XKR6: variants seen among roughly 807,000 people sequenced by gnomAD.
XKR6 encodes the protein XK related 6, also known as XK-related protein 6.
XKR6 carries 22 observed loss-of-function variants against 56.7 expected under a neutral mutation model. The ratio of observed to expected loss-of-function variants is 0.39; its 90% confidence interval spans 0.28 to 0.55. XKR6 has a LOEUF of 0.55. Ranked by LOEUF, XKR6 falls within the 20% of genes least tolerant of loss-of-function variation. The pLI, the probability that XKR6 is intolerant of heterozygous loss-of-function variation, is 0.66. For synonymous variants in XKR6, 524 were observed against 387.8 expected, an observed-to-expected ratio of 1.35 and a Z score of -4.13; for missense variants, 852 against 889.0, an observed-to-expected ratio of 0.96 and a Z score of 0.53.
At chr8:10,988,931 A>G (rs1797925847) in intron 1 of XKR6, among the ~76,000 whole-genome samples, 2 of 152,204 alleles carry the variant, frequency 1.3e-5, no homozygotes, top group African/African-American at 4.8e-5. Context: ...GTCTTAGGCA[A>G]CTCACAGCAA....
At chr8:10,949,872 C>T (rs373155751) in intron 1 of XKR6, among the ~76,000 whole-genome samples, 4 of 152,150 alleles carry the variant, frequency 2.6e-5, no homozygotes, top group Non-Finnish European at 5.9e-5. Flanking sequence ...CAAGAGCCCA[C>T]TTCCACAGGC....
chr8:10,958,408 G>A (rs113676659), intron 1 of XKR6, among the ~76,000 whole-genome samples: 1 of 152,206 alleles, frequency 6.6e-6, no homozygotes, highest in Non-Finnish European at 1.5e-5. Flanking sequence ...GAAATCAATA[G>A]TGACAATGGG....
At chr8:11,085,141 C>G (rs766766208) in intron 1 of XKR6, among the ~76,000 whole-genome samples, 4 of 152,138 alleles carry the variant, frequency 2.6e-5, no homozygotes, top group Non-Finnish European at 5.9e-5. Flanking sequence ...CCAGGCACTA[C>G]CTCCCCTTCT....
At chr8:11,112,412 A>G (rs991413202) in intron 1 of XKR6, among the ~76,000 whole-genome samples, 3 of 152,074 alleles carry the variant, frequency 2.0e-5, no homozygotes, top group African/African-American at 7.2e-5. Context: ...GCCTTTTTTG[A>G]AAAAGAAAAA....
chr8:11,151,894 G>A lies in XKR6; in HGVS notation c.764+48682C>T, dbSNP rs573461078. Among the ~76,000 whole-genome samples, 45 of 152,118 alleles carry A rather than the reference G, an allele frequency of 3.0e-4. 1 individual carries two copies. Among genetic ancestry groups the A allele is most frequent in the Middle Eastern group, 3.4e-3 (1 of 294 alleles). On this transcript the variant is annotated intron_variant, in intron 1 of 2. Coordinates refer to ENST00000416569, the MANE Select transcript of XKR6 (RefSeq NM_173683.4). ...CAATTTTGGCTATGTAAAAGCAAAT[G>A]GGATCATTCTTAGTACTTGTTGGGA...
chr8:11,176,013 C>A (rs181586900), intron 1 of XKR6, among the ~76,000 whole-genome samples: 9 of 152,330 alleles, frequency 5.9e-5, no homozygotes, highest in African/African-American at 2.2e-4. Flanking sequence ...AGAATGTGAT[C>A]AGCTGCAATA....
rs34746866 is a variant in XKR6 at position 11,114,773 on chromosome 8, G to GTGTGTA, written c.764+85802_764+85803insTACACA. Among the ~76,000 whole-genome samples the GTGTGTA allele has an allele frequency of 4.2e-3, 612 of 146,612 alleles. 2 individuals are homozygous for GTGTGTA. Among genetic ancestry groups the GTGTGTA allele is most frequent in the Middle Eastern group, 0.011 (3 of 282 alleles). On this transcript the variant is annotated intron_variant, in intron 1 of 2. Coordinates refer to ENST00000416569, the MANE Select transcript of XKR6 (RefSeq NM_173683.4). ...TGTGTGTGTGTGTGTGTGTGTGTGT[G>GTGTGTA]TATGTGCCAGGGCAAGAAAGGTCAG...
chr8:11,009,925 T>C (rs1419799652), intron 1 of XKR6, among the ~76,000 whole-genome samples: 1 of 152,182 alleles, frequency 6.6e-6, no homozygotes, highest in African/African-American at 2.4e-5. Context: ...TCTATAAATC[T>C]AAAACTGTTC....
intron 1 of XKR6, chr8:11,137,440 GAC>G: frequency 2.6e-6 from 1 of 390,362 alleles, no homozygotes. Context: ...CTCAAACGTG[GAC>G]AGTCCCTTAC....
At position 11,120,718 on chromosome 8, in the gene XKR6, C is replaced by T. The variant is rs538442298; in HGVS notation, c.764+79858G>A. On this transcript the variant is annotated intron_variant, in intron 1 of 2. Coordinates refer to ENST00000416569, the MANE Select transcript of XKR6 (RefSeq NM_173683.4). ...GCTCATATGGAACCAAAAAAGAGCC[C>T]GCATCGCCAAGTCAATCCTAAGCAA... 1.3e-4 allele frequency among the ~76,000 whole-genome samples: 20 copies of T among 152,174 alleles called. No homozygotes were observed. The East Asian group carries it at 3.7e-3, about 28-fold the overall frequency.
intron 1 of XKR6, among the ~76,000 whole-genome samples, chr8:11,127,931 C>G (rs1342850073): frequency 6.6e-6 from 1 of 152,076 alleles, no homozygotes; most frequent in Non-Finnish European, 1.5e-5. Context: ...ACACTGTTAC[C>G]TAAGGAGGAC....
intron 1 of XKR6, among the ~76,000 whole-genome samples, chr8:11,110,929 C>G (rs1225844752): frequency 6.6e-6 from 1 of 151,824 alleles, no homozygotes; most frequent in Non-Finnish European, 1.5e-5. Flanking sequence ...CTCCGCCTCC[C>G]AGGTTCACAC....
chr8:10,996,563 C>A (rs867639364), intron 1 of XKR6, among the ~76,000 whole-genome samples: 4 of 152,138 alleles, frequency 2.6e-5, no homozygotes, highest in East Asian at 1.9e-4. Flanking sequence ...ACACCATACA[C>A]CCCCAGCTCC....
At chr8:10,977,227 C>A (rs1459619082) in intron 1 of XKR6, among the ~76,000 whole-genome samples, 2 of 152,008 alleles carry the variant, frequency 1.3e-5, no homozygotes, top group African/African-American at 2.4e-5. Flanking sequence ...AAGATGGAAC[C>A]CAGGAGGGGT....
intron 1 of XKR6, among the ~76,000 whole-genome samples, chr8:10,983,386 C>G (rs1049303375): frequency 4.6e-5 from 7 of 152,088 alleles, no homozygotes; most frequent in African/African-American, 1.7e-4. Flanking sequence ...GGCCTATTTG[C>G]TCCATTCTGT....
intron 1 of XKR6, among the ~76,000 whole-genome samples, chr8:10,963,115 G>C (rs544203666): frequency 6.6e-6 from 1 of 152,168 alleles, no homozygotes; most frequent in Non-Finnish European, 1.5e-5. Flanking sequence ...CTCTCTCGGC[G>C]CTTCCAGGGG....
At chr8:10,993,840 C>T (rs1798048822) in intron 1 of XKR6, among the ~76,000 whole-genome samples, 1 of 152,222 alleles carries the variant, frequency 6.6e-6, no homozygotes, top group African/African-American at 2.4e-5. Flanking sequence ...GGGTTCCCTA[C>T]CTCACTCAGC....
At chr8:10,927,359 C>G (rs1366995953) in intron 1 of XKR6, among the ~76,000 whole-genome samples, 1 of 152,066 alleles carries the variant, frequency 6.6e-6, no homozygotes, top group African/African-American at 2.4e-5. Flanking sequence ...CCCCTGTGAC[C>G]CAAACCCGGC....
At chr8:10,974,795 G>C (rs1040048334) in intron 1 of XKR6, among the ~76,000 whole-genome samples, 4 of 152,224 alleles carry the variant, frequency 2.6e-5, no homozygotes, top group African/African-American at 9.6e-5. Flanking sequence ...CAGAGCTCGA[G>C]GTGGGAACTC....
Sources: allele counts gnomAD v4.1 joint callset (sites outside exome capture counted in the v4.1 genomes callset), GRCh38; gene constraint gnomAD v4.1.1; transcripts MANE v1.5; gene names NCBI Gene and HGNC (gene_info 2026-07-23, HGNC 2026-07-21).